NTRK3: variants seen among roughly 807,000 people sequenced by gnomAD.
NTRK3 encodes the protein neurotrophic receptor tyrosine kinase 3.
A neutral mutation model predicts 91.7 loss-of-function variants in NTRK3; 24 were observed. The ratio of observed to expected loss-of-function variants is 0.26; its 90% confidence interval spans 0.19 to 0.37. The LOEUF is 0.37. NTRK3 is among the 10% of genes least tolerant of loss of function. The probability of loss-of-function intolerance (pLI) is 1.00; values close to 1 mark genes in which losing one functional copy is unlikely to be tolerated. For missense variants in NTRK3, 880 were observed against 1,068.9 expected, an observed-to-expected ratio of 0.82 and a Z score of 2.46; for synonymous variants, 483 against 404.0, an observed-to-expected ratio of 1.20 and a Z score of -2.34.
At chr15:87,984,120 GGA>G (rs1382889610) in intron 14 of NTRK3, among the ~76,000 whole-genome samples, 2 of 152,160 alleles carry the variant, frequency 1.3e-5, no homozygotes, top group African/African-American at 4.8e-5. Context: ...TAATGAGTAT[GGA>G]GAGATGGATA....
chr15:88,010,490 T>C (rs182916477), intron 14 of NTRK3, among the ~76,000 whole-genome samples: 1 of 152,244 alleles, frequency 6.6e-6, no homozygotes, highest in Non-Finnish European at 1.5e-5. Flanking sequence ...CCAAGCTTTT[T>C]AGTAATTTTT....
At chr15:88,133,270 T>C (rs1349541496) in intron 10 of NTRK3, among the ~76,000 whole-genome samples, 2 of 152,064 alleles carry the variant, frequency 1.3e-5, no homozygotes, top group African/African-American at 4.8e-5. Flanking sequence ...ATCTCTGAGA[T>C]AGCTCTGAGG....
intron 17 of NTRK3, among the ~76,000 whole-genome samples, chr15:87,913,808 A>G (rs1202559335): frequency 6.6e-6 from 1 of 152,242 alleles, no homozygotes; most frequent in Non-Finnish European, 1.5e-5. Context: ...ATGGATGTAT[A>G]TCCAAGGTTG....
chr15:88,085,435 C>T (rs1228346028), intron 13 of NTRK3, among the ~76,000 whole-genome samples: 1 of 152,176 alleles, frequency 6.6e-6, no homozygotes, highest in African/African-American at 2.4e-5. Context: ...AGCTTGCATG[C>T]CTACCATCTG....
At position 88,137,131 on chromosome 15, in the gene NTRK3, G is replaced by C. The variant is rs184026558; in HGVS notation, c.622+273C>G. Among the ~76,000 whole-genome samples, 319 of 152,298 alleles carry C rather than the reference G, an allele frequency of 2.1e-3. 3 individuals carry two copies. Among genetic ancestry groups the C allele is most frequent in the African/African-American group, 6.5e-3 (269 of 41,578 alleles). On this transcript the variant is annotated intron_variant, in intron 7 of 18. Transcript: ENST00000394480. ...AGGTTTGGTTGACAGGTAACTCACA[G>C]GGAGAAAGGGAATCTGGTGTGATGA...
intron 3 of NTRK3, among the ~76,000 whole-genome samples, chr15:88,189,809 C>T (rs979489622): frequency 3.9e-5 from 6 of 152,230 alleles, no homozygotes; most frequent in South Asian, 2.1e-4. Flanking sequence ...GTATGATAAA[C>T]GAATTGGCAA....
At chr15:88,085,416 C>A (rs927486700) in intron 13 of NTRK3, among the ~76,000 whole-genome samples, 10 of 152,198 alleles carry the variant, frequency 6.6e-5, no homozygotes, top group African/African-American at 2.4e-4. Context: ...CAGACTGTTT[C>A]TGCTCATCAG....
At chr15:88,070,966 T>C (rs2047045222) in intron 13 of NTRK3, among the ~76,000 whole-genome samples, 1 of 152,058 alleles carries the variant, frequency 6.6e-6, no homozygotes. Context: ...TAAAGGCTAT[T>C]AGGAAATAAA....
At chr15:88,232,379 T>C (rs1223095223) in intron 3 of NTRK3, among the ~76,000 whole-genome samples, 2 of 152,140 alleles carry the variant, frequency 1.3e-5, no homozygotes, top group Admixed American at 1.3e-4. Context: ...ATTCCTCTGC[T>C]GTACCCTCTG....
intron 17 of NTRK3, among the ~76,000 whole-genome samples, chr15:87,882,849 C>T (rs1042668157): frequency 5.3e-5 from 8 of 151,640 alleles, no homozygotes; most frequent in Non-Finnish European, 1.0e-4. Flanking sequence ...TACAGAAAGG[C>T]GGAGTAGGAT....
At chr15:88,182,286 G>A (rs149224005) in intron 5 of NTRK3, among the ~76,000 whole-genome samples, 2 of 151,622 alleles carry the variant, frequency 1.3e-5, no homozygotes, top group East Asian at 2.0e-4. Flanking sequence ...GAGCCTGGGG[G>A]TAAGGTCAGG....
At chr15:88,136,543 G>A (rs769345939) in exon 8 of NTRK3, 3 of 1,613,936 alleles carry the variant, frequency 1.9e-6, no homozygotes, top group South Asian at 2.2e-5. Context: ...GCCATTGCAA[G>A]TGATAACAGC....
At chr15:88,227,515 C>T (rs766996409) in intron 3 of NTRK3, among the ~76,000 whole-genome samples, 2 of 152,116 alleles carry the variant, frequency 1.3e-5, no homozygotes, top group African/African-American at 2.4e-5. Flanking sequence ...GACATGTGCA[C>T]ACAGAAGGAT....
exon 19 of NTRK3, chr15:87,860,135 G>GC: frequency 4.6e-6 from 1 of 218,894 alleles, no homozygotes; most frequent in East Asian, 6.7e-5. Flanking sequence ...TTAAATCTCT[G>GC]CCCCCACATT....
At chr15:87,910,671 C>T (rs577045172) in intron 17 of NTRK3, among the ~76,000 whole-genome samples, 1 of 152,238 alleles carries the variant, frequency 6.6e-6, no homozygotes, top group South Asian at 2.1e-4. Context: ...TCTAAAATAG[C>T]AGCACCCAAA....
rs528279460 is a variant in NTRK3, at chr15:87,993,253, TG to T, written c.1585+39603del. ...ACAAAAGTCAGAATCTGGCAGGAAA[TG>T]CAATCAGTAAAGTCCACATTCCAGG... is the stretch of plus-strand genomic sequence containing the variant. On this transcript the variant is annotated intron_variant, in intron 14 of 18. Transcript: ENST00000394480. 9.2e-5 allele frequency among the ~76,000 whole-genome samples: 14 copies of T among 152,202 alleles called. No individual in the cohort carries two copies. In the South Asian group the frequency reaches 1.7e-3, roughly 18 times the overall value.
At chr15:88,139,568 C>T (rs1197124750) in intron 6 of NTRK3, among the ~76,000 whole-genome samples, 1 of 152,188 alleles carries the variant, frequency 6.6e-6, no homozygotes, top group Non-Finnish European at 1.5e-5. Context: ...TGGTATCATC[C>T]TCTTAGCCTA....
rs554116281 is a variant in NTRK3, at chr15:87,942,084, TG to T, written c.1586-1332del. On this transcript the variant is annotated intron_variant, in intron 14 of 18. Coordinates refer to ENST00000394480, the Ensembl canonical transcript of NTRK3. The stretch of plus-strand genomic sequence containing the variant: ...TGGAAGCCTTGGGGTAGTGTTTTTT[TG>T]GTTTGGGGATTCCTTTAAGAATAAA... 2.6e-5 allele frequency among the ~76,000 whole-genome samples: 4 copies of T among 152,344 alleles called. No individual in the cohort carries two copies. The East Asian group carries it at 7.7e-4, about 29-fold the overall frequency.
chr15:88,208,855 A>G (rs928301131), intron 3 of NTRK3, among the ~76,000 whole-genome samples: 2 of 151,884 alleles, frequency 1.3e-5, no homozygotes, highest in Non-Finnish European at 2.9e-5. Flanking sequence ...TCTGCAGTAG[A>G]GTCTGAGTAT....
Sources: gnomAD v4.1 joint callset for allele counts (sites outside exome capture counted in the v4.1 genomes callset) on GRCh38, gnomAD v4.1.1 for gene constraint, MANE v1.5 for transcripts, NCBI Gene and HGNC (gene_info 2026-07-23, HGNC 2026-07-21) for gene names.